TRMT11: variants seen among roughly 807,000 people sequenced by gnomAD.
TRMT11 encodes the protein tRNA (guanine(10)-N(2))-methyltransferase TRMT11.
In TRMT11, 53 loss-of-function variants were observed where a neutral mutation model predicts 62.8. The ratio of observed to expected loss-of-function variants is 0.84; its 90% confidence interval spans 0.68 to 1.06. The LOEUF (loss-of-function observed/expected upper bound fraction) is 1.06. Among genes scored for constraint, TRMT11 ranks in the 50% least tolerant of loss-of-function variants. TRMT11 has a pLI of 0.00. For missense variants in TRMT11, 556 were observed against 553.4 expected (o/e 1.00, Z -0.05); for synonymous variants, 188 against 190.3 (o/e 0.99, Z 0.10).
At chr6:126,240,629 G>A in the TRMT11 span, among the ~76,000 whole-genome samples, 1 of 152,326 alleles carries the variant, frequency 6.6e-6, no homozygotes, top group South Asian at 2.1e-4. Context: ...ACTGGGGGGT[G>A]CCTCCCAGTT....
the TRMT11 span, among the ~76,000 whole-genome samples, chr6:126,210,059 G>A: frequency 1.3e-5 from 2 of 152,192 alleles, no homozygotes; most frequent in African/African-American, 4.8e-5. Context: ...TCTCTCTTTA[G>A]TGCAGATGGA....
intron 7 of TRMT11, among the ~76,000 whole-genome samples, chr6:126,004,953 A>G (rs1014655975): frequency 6.6e-5 from 10 of 152,116 alleles, no homozygotes; most frequent in African/African-American, 2.4e-4. Context: ...CAATTTTAAC[A>G]AATACATTGG....
At chr6:126,094,605 T>A (rs951870528) in intron 17 of TRMT11, among the ~76,000 whole-genome samples, 1 of 152,200 alleles carries the variant, frequency 6.6e-6, no homozygotes. Context: ...GAGGCAAGAC[T>A]ATTTCCTGGT....
At chr6:126,262,829 T>C in the TRMT11 span, among the ~76,000 whole-genome samples, 4 of 152,170 alleles carry the variant, frequency 2.6e-5, no homozygotes, top group Admixed American at 6.5e-5. Context: ...CTCACTTCCT[T>C]CCTGATGGTT....
At chr6:126,062,449 T>A (rs1776562875) in intron 17 of TRMT11, among the ~76,000 whole-genome samples, 1 of 152,232 alleles carries the variant, frequency 6.6e-6, no homozygotes, top group African/African-American at 2.4e-5. Flanking sequence ...AGACTAATAT[T>A]GATTAATAAT....
chr6:126,200,625 G>A (rs1244227761), intron 3 of TRMT11, among the ~76,000 whole-genome samples: 2 of 152,106 alleles, frequency 1.3e-5, no homozygotes, highest in African/African-American at 4.8e-5. Context: ...CACAATCTCG[G>A]CTCACTGCAA....
At chr6:126,017,926 G>T (rs560379421) in intron 11 of TRMT11, among the ~76,000 whole-genome samples, 1 of 152,344 alleles carries the variant, frequency 6.6e-6, no homozygotes, top group East Asian at 1.9e-4. Context: ...GTGCTACTGA[G>T]TGAGTGTAGC....
chr6:126,148,504 G>A (rs1435907021), intron 21 of TRMT11, among the ~76,000 whole-genome samples: 1 of 152,192 alleles, frequency 6.6e-6, no homozygotes, highest in East Asian at 1.9e-4. Context: ...AGTGCAGCAT[G>A]TTTGAAATTA....
intron 21 of TRMT11, among the ~76,000 whole-genome samples, chr6:126,116,883 T>C (rs10499134): frequency 0.14 from 21,004 of 152,118 alleles, 2,294 homozygotes; most frequent in African/African-American, 0.31. Flanking sequence ...ACTCCTTCAC[T>C]GTCTTGACAC....
the TRMT11 span, among the ~76,000 whole-genome samples, chr6:126,263,163 C>G: frequency 6.6e-6 from 1 of 152,002 alleles, no homozygotes; most frequent in Middle Eastern, 3.2e-3. Context: ...CAAACCAGAA[C>G]TTTTTTTCAC....
chr6:126,197,239 C>A (rs555691842), intron 1 of TRMT11, among the ~76,000 whole-genome samples: 5 of 152,296 alleles, frequency 3.3e-5, no homozygotes, highest in African/African-American at 1.2e-4. Context: ...TTACCACTTA[C>A]CAGTTTCCAA....
intron 1 of TRMT11, among the ~76,000 whole-genome samples, chr6:126,196,941 A>T (rs1778673752): frequency 6.6e-6 from 1 of 152,174 alleles, no homozygotes; most frequent in Admixed American, 6.5e-5. Context: ...AATTTTAGAT[A>T]TCAACTTAAA....
rs1225561403 is a variant in TRMT11, at chr6:126,016,667, T to C, written c.1139+3566T>C. Among the ~76,000 whole-genome samples, 3 of 151,424 alleles carry C rather than the reference T, an allele frequency of 2.0e-5. No individual in the cohort carries two copies. The East Asian group carries it at 5.8e-4, about 29-fold the overall frequency. On this transcript the variant is annotated intron_variant, in intron 11 of 12. Transcript: ENST00000334379. ...CCAAATACATATAACCAAAGTGATGTTTTAGAAAGGGAAAAGGGAGACATG... is the reference window on the plus strand; with the variant it reads ...CCAAATACATATAACCAAAGTGATGCTTTAGAAAGGGAAAAGGGAGACATG...
At chr6:126,255,592 A>T in the TRMT11 span, among the ~76,000 whole-genome samples, 1 of 152,188 alleles carries the variant, frequency 6.6e-6, no homozygotes. Flanking sequence ...ACTTAAGTTA[A>T]ATCTATCTTG....
rs556424352 is a variant in TRMT11 at position 126,109,481 on chromosome 6, A to G, written c.*1438-3385A>G. ...GCAGGAATGACACTGAAGTGATGCTATGTTCTCAGTGCATCATACCAGGAT... is the reference window on the plus strand; with the variant it reads ...GCAGGAATGACACTGAAGTGATGCTGTGTTCTCAGTGCATCATACCAGGAT... On this transcript the variant is annotated intron_variant and NMD_transcript_variant, in intron 17 of 22. Coordinates refer to the TRMT11 transcript ENST00000648977. Among the ~76,000 whole-genome samples, 9 of 152,308 alleles carry G rather than the reference A, an allele frequency of 5.9e-5. No individual in the cohort carries two copies. The South Asian group carries it at 6.2e-4, about 11-fold the overall frequency.
At chr6:126,259,247 A>T in the TRMT11 span, among the ~76,000 whole-genome samples, 2 of 152,200 alleles carry the variant, frequency 1.3e-5, no homozygotes, top group Admixed American at 6.5e-5. Context: ...CCCAGGCTGG[A>T]GTGCAGTGAT....
the TRMT11 span, among the ~76,000 whole-genome samples, chr6:126,246,109 C>T: frequency 4.6e-5 from 7 of 151,688 alleles, no homozygotes; most frequent in Non-Finnish European, 1.0e-4. Flanking sequence ...GGTGAAACCT[C>T]GTCTCTTAAA....
intron 16 of TRMT11, among the ~76,000 whole-genome samples, chr6:126,049,268 T>C (rs984896009): frequency 2.6e-5 from 4 of 152,178 alleles, no homozygotes; most frequent in Non-Finnish European, 5.9e-5. Context: ...CAATTGGTGA[T>C]TAATAGTTTG....
chr6:125,995,913 A>T, intron 2 of TRMT11, 54 bp from the exon 3 acceptor site: 2 of 1,059,590 alleles, frequency 1.9e-6, no homozygotes, highest in African/African-American at 1.6e-5. Context: ...GAATAAAAGC[A>T]TATGAGGCCA....
Sources: gnomAD v4.1 joint callset for allele counts (sites outside exome capture counted in the v4.1 genomes callset) on GRCh38, gnomAD v4.1.1 for gene constraint, MANE v1.5 for transcripts, NCBI Gene and HGNC (gene_info 2026-07-23, HGNC 2026-07-21) for gene names.